The following LRRC1 variants were observed in gnomAD, a reference collection of about 807,000 sequenced individuals.
LRRC1 encodes the protein leucine-rich repeat-containing protein 1.
In LRRC1, 28 loss-of-function variants were observed where a neutral mutation model predicts 69.9. The observed-to-expected ratio is 0.40, with a 90% confidence interval of 0.30 to 0.55. LRRC1 has a LOEUF of 0.55. LRRC1 is among the 20% of genes least tolerant of loss of function. The probability of loss-of-function intolerance (pLI) is 0.47; values close to 1 mark genes in which losing one functional copy is unlikely to be tolerated. For synonymous variants in LRRC1, 236 were observed against 240.2 expected (o/e 0.98, Z 0.16); for missense variants, 498 against 609.0 (o/e 0.82, Z 1.92).
chr6:53,814,279 T>TA (rs1188347495), intron 1 of LRRC1, among the ~76,000 whole-genome samples: 3 of 152,132 alleles, frequency 2.0e-5, no homozygotes, highest in Non-Finnish European at 2.9e-5. Flanking sequence ...TGAAACTTTT[T>TA]AAAAAAAATT....
At chr6:53,889,803 C>CGGA (rs1562061536) in intron 4 of LRRC1, among the ~76,000 whole-genome samples, 2 of 152,060 alleles carry the variant, frequency 1.3e-5, no homozygotes, top group East Asian at 3.8e-4. Flanking sequence ...ATTATATCTC[C>CGGA]GTAAAAAGAA....
chr6:53,877,261 C>T (rs979989679), intron 2 of LRRC1, among the ~76,000 whole-genome samples: 1 of 152,158 alleles, frequency 6.6e-6, no homozygotes, highest in East Asian at 1.9e-4. Flanking sequence ...CTAGACTGCA[C>T]ACAACATGGG....
intron 3 of LRRC1, among the ~76,000 whole-genome samples, chr6:53,881,452 G>C (rs1320153002): frequency 2.0e-5 from 3 of 152,116 alleles, no homozygotes; most frequent in African/African-American, 4.8e-5. Flanking sequence ...ATTATAAAAT[G>C]ATATATGCTT....
At chr6:53,840,964 G>C in intron 1 of LRRC1, among the ~76,000 whole-genome samples, 1 of 151,380 alleles carries the variant, frequency 6.6e-6, no homozygotes, top group African/African-American at 2.4e-5. Flanking sequence ...ATGTGGCAGT[G>C]GAGATCAGAT....
chr6:53,840,918 G>GTA (rs1386553391), intron 1 of LRRC1, among the ~76,000 whole-genome samples: 1 of 146,468 alleles, frequency 6.8e-6, no homozygotes, highest in Non-Finnish European at 1.5e-5. Flanking sequence ...GTGTGTGTGT[G>GTA]TGTGTGTGTG....
rs1216477216 is a variant in LRRC1, at chr6:53,879,012, A to G, written c.297A>G (p.Glu99=). 1.2e-6 allele frequency: 2 copies of G among 1,612,226 alleles called. No homozygotes were observed. The highest frequency in any genetic ancestry group is 1.7e-6 in the Non-Finnish European group (2 of 1,178,776). Residue 99 remains glutamate, a synonymous_variant, in exon 3 of 14, where the codon GAA becomes GAG. Transcript: ENST00000370888. ...VSRNEIPEIP[E]SISFCKALQV... is the part of the protein sequence containing the mutation. Reference sequence around the variant, plus strand: ...CTGCAGAGATTCCTGAAATTCCAGAAAGCATTTCATTCTGTAAAGCACTGC... The same window carrying G: ...CTGCAGAGATTCCTGAAATTCCAGAGAGCATTTCATTCTGTAAAGCACTGC...
At chr6:53,899,291 G>T (rs1767969581) in intron 7 of LRRC1, among the ~76,000 whole-genome samples, 1 of 152,212 alleles carries the variant, frequency 6.6e-6, no homozygotes, top group South Asian at 2.1e-4. Flanking sequence ...TGATGTTTGT[G>T]CTAACGAGTG....
At chr6:53,921,930 T>A (rs1452983291) in intron 13 of LRRC1, among the ~76,000 whole-genome samples, 1 of 152,206 alleles carries the variant, frequency 6.6e-6, no homozygotes, top group African/African-American at 2.4e-5. Flanking sequence ...CCTCTTCCAG[T>A]ATTTTGTTAA....
At position 53,907,022 on chromosome 6, in the gene LRRC1, A is replaced by C. The variant is rs1581914907; in HGVS notation, c.990+2560A>C. Among the ~76,000 whole-genome samples, 6 of 152,330 alleles carry C rather than the reference A, an allele frequency of 3.9e-5. 1 individual carries two copies. The highest frequency in any genetic ancestry group is 3.9e-4 in the Admixed American group (6 of 15,302). ...CTCTGACCATCAGGGCTGAGCAGCC[A>C]AACCAGCAAGAGCCTCCTGACCTCT... On this transcript the variant is annotated intron_variant, in intron 10 of 13. Transcript: ENST00000370888.
chr6:53,839,189 G>A (rs1035289770), intron 1 of LRRC1, among the ~76,000 whole-genome samples: 2 of 151,872 alleles, frequency 1.3e-5, no homozygotes, highest in Non-Finnish European at 2.9e-5. Context: ...ATGTATTTGT[G>A]CATTATTTTC....
rs1221029414 is a variant in LRRC1 at position 53,897,189 on chromosome 6, C to A, written c.568-96C>A. The A allele has an allele frequency of 6.3e-6, 5 of 792,272 alleles. No homozygotes were observed. In the Admixed American group the frequency reaches 1.2e-4, roughly 19 times the overall value. The allele number at this position is 792,272 out of a possible 1,614,324, so 49.1% of individuals were successfully genotyped here. A position where few individuals can be genotyped will look rare whatever the true frequency, so the allele number is the denominator to read the frequency against. ...GTACCAGTGAACATCTGCTAAGGTA[C>A]CCAGTTGTTAACAGATGAATTCAGT... On this transcript the variant is annotated intron_variant, in intron 6 of 13. Transcript: ENST00000370888.
chr6:53,879,188 A>T, intron 3 of LRRC1, 117 bp downstream of exon 3: 1 of 654,672 alleles, frequency 1.5e-6, no homozygotes, highest in Non-Finnish European at 2.7e-6. Context: ...CACTGTCTTT[A>T]TCAAGGATGG....
chr6:53,855,183 T>C (rs1268177948), intron 2 of LRRC1, among the ~76,000 whole-genome samples: 1 of 152,214 alleles, frequency 6.6e-6, no homozygotes, highest in African/African-American at 2.4e-5. Flanking sequence ...TAAAAGATAC[T>C]CTGAAGCAAT....
At chr6:53,911,613 C>T (rs1768412131) in intron 10 of LRRC1, among the ~76,000 whole-genome samples, 1 of 152,216 alleles carries the variant, frequency 6.6e-6, no homozygotes, top group South Asian at 2.1e-4. Flanking sequence ...CGGGGGTCTT[C>T]AGCCTCAGCC....
At chr6:53,864,085 T>A (rs1291342226) in intron 2 of LRRC1, among the ~76,000 whole-genome samples, 3 of 152,092 alleles carry the variant, frequency 2.0e-5, no homozygotes, top group Non-Finnish European at 2.9e-5. Flanking sequence ...CCTTGTCCTC[T>A]CAAAGATGAC....
intron 4 of LRRC1, among the ~76,000 whole-genome samples, chr6:53,895,153 G>T (rs1031964402): frequency 2.6e-5 from 4 of 151,918 alleles, no homozygotes; most frequent in African/African-American, 9.7e-5. Flanking sequence ...TCCTGACCTC[G>T]TGGATCCGCC....
intron 2 of LRRC1, among the ~76,000 whole-genome samples, chr6:53,871,966 C>CG (rs1766900412): frequency 6.6e-6 from 1 of 152,158 alleles, no homozygotes; most frequent in Admixed American, 6.5e-5. Context: ...CCGCCCCTGG[C>CG]CTGTTTTTTG....
chr6:53,819,280 CT>C (rs1038571296), intron 1 of LRRC1, among the ~76,000 whole-genome samples: 3 of 152,126 alleles, frequency 2.0e-5, no homozygotes, highest in African/African-American at 7.2e-5. Context: ...TAACACAGCC[CT>C]TTGTTGCCCA....
intron 1 of LRRC1, among the ~76,000 whole-genome samples, chr6:53,814,915 G>A (rs1477160495): frequency 6.6e-6 from 1 of 152,174 alleles, no homozygotes; most frequent in African/African-American, 2.4e-5. Flanking sequence ...TGGCTGTGTG[G>A]TGGCTGCATA....
Sources: allele counts gnomAD v4.1 joint callset (sites outside exome capture counted in the v4.1 genomes callset), GRCh38; gene constraint gnomAD v4.1.1; transcripts MANE v1.5; gene names NCBI Gene and HGNC (gene_info 2026-07-23, HGNC 2026-07-21).